Variants in PTPRT observed in about 807,000 individuals in gnomAD.
The protein encoded by PTPRT is protein tyrosine phosphatase receptor type T, also known as receptor-type tyrosine-protein phosphatase T.
A neutral mutation model predicts 176.8 loss-of-function variants in PTPRT; 56 were observed. The ratio of observed to expected loss-of-function variants is 0.32; its 90% CI spans 0.26 to 0.40. PTPRT has a LOEUF of 0.40. Ranked by LOEUF, PTPRT falls within the 10% of genes least tolerant of loss-of-function variation. The pLI, the probability that PTPRT is intolerant of heterozygous loss-of-function variation, is 1.00. For synonymous variants in PTPRT, 783 were observed against 739.0 expected (o/e 1.06, Z -0.96); for missense variants, 1,540 against 1,908.2 (o/e 0.81, Z 3.60).
intron 1 of PTPRT, among the ~76,000 whole-genome samples, chr20:43,032,252 T>G (rs1404772659): frequency 2.0e-5 from 3 of 152,060 alleles, no homozygotes; most frequent in Non-Finnish European, 2.9e-5. Flanking sequence ...GTTCCTCAGG[T>G]GCACTGTCTA....
intron 7 of PTPRT, among the ~76,000 whole-genome samples, chr20:42,649,602 T>C (rs965085179): frequency 4.6e-5 from 7 of 152,292 alleles, no homozygotes; most frequent in African/African-American, 1.7e-4. Context: ...TATCCATAGA[T>C]TCCTCACAGA....
intron 1 of PTPRT, among the ~76,000 whole-genome samples, chr20:42,897,077 C>T (rs1010027845): frequency 2.2e-4 from 34 of 152,188 alleles, no homozygotes; most frequent in African/African-American, 7.5e-4. Flanking sequence ...TGGCAGGGCA[C>T]GTTCCAATTA....
rs116956434 is a variant in PTPRT, at chr20:42,949,392, C to T, written c.89-63460G>A. Among the ~76,000 whole-genome samples the T allele has an allele frequency of 1.1e-3, 173 of 152,342 alleles. No individual in the cohort carries two copies. The East Asian group carries it at 0.03, about 27-fold the overall frequency. On this transcript the variant is annotated intron_variant, in intron 1 of 30. Transcript: ENST00000373187. ...GATGGAAGGAAGCCCAAGCTAGCCA[C>T]AGGAAAAAGCCATGTAGAGACAGAG...
chr20:42,084,777 G>A lies in PTPRT; in HGVS notation c.4041C>T (p.Pro1347=), dbSNP rs766193356. ...YIGWPAYRDT[P]PSKRSLLKVV... is the part of the protein sequence containing the mutation. The stretch of plus-strand genomic sequence containing the variant: ...CTTTGAGCAGAGAGCGCTTGGAGGG[G>A]GGCGTGTCCCGGTAGGCAGGCCAGC... Residue 1347 remains proline (P), a synonymous_variant, in exon 29 of 31, where the codon CCC becomes CCT. Transcript: ENST00000373187. The A allele has an allele frequency of 6.4e-7, 1 of 1,558,600 alleles. No individual in the cohort carries two copies. Among genetic ancestry groups the A allele is most frequent in the Non-Finnish European group, 8.7e-7 (1 of 1,148,118 alleles).
At chr20:42,043,571 A>G in the PTPRT span, among the ~76,000 whole-genome samples, 1 of 152,160 alleles carries the variant, frequency 6.6e-6, no homozygotes, top group Non-Finnish European at 1.5e-5. Context: ...TACAGCTACA[A>G]GGTAGTGGAG....
intron 7 of PTPRT, among the ~76,000 whole-genome samples, chr20:42,620,694 A>T (rs2074177005): frequency 1.3e-5 from 2 of 152,082 alleles, no homozygotes; most frequent in Non-Finnish European, 2.9e-5. Context: ...GGTGGGAGTG[A>T]CCCAATTTTC....
intron 11 of PTPRT, among the ~76,000 whole-genome samples, chr20:42,325,615 C>G (rs1056903461): frequency 6.6e-6 from 1 of 152,108 alleles, no homozygotes; most frequent in Non-Finnish European, 1.5e-5. Flanking sequence ...CTTCCATCAT[C>G]TCTTAACTGG....
rs539229610 is a variant in PTPRT at position 42,218,219 on chromosome 20, C to T, written c.2342+18010G>A. ...GCCATTAAAAATGAAAACCATGTAA[C>T]GACATGGAAAAATGCTAACTGGATT... On this transcript the variant is annotated intron_variant, in intron 15 of 30. Coordinates refer to ENST00000373187, the MANE Select transcript of PTPRT (RefSeq NM_007050.6). Among the ~76,000 whole-genome samples, 23 of 152,054 alleles carry T rather than the reference C, an allele frequency of 1.5e-4. No individual in the cohort carries two copies. In the East Asian group the frequency reaches 1.7e-3, roughly 11 times the overall value.
intron 12 of PTPRT, among the ~76,000 whole-genome samples, chr20:42,300,780 T>TTTA (rs200418179): frequency 7.7e-5 from 11 of 143,272 alleles, no homozygotes; most frequent in Non-Finnish European, 1.2e-4. Context: ...ATTATTATTA[T>TTTA]TTATTATTAT....
intron 1 of PTPRT, among the ~76,000 whole-genome samples, chr20:43,166,680 T>C (rs1386423415): frequency 2.0e-5 from 3 of 152,116 alleles, no homozygotes; most frequent in Non-Finnish European, 2.9e-5. Context: ...ATTTTTATAA[T>C]GTAAGAAAAA....
chr20:42,217,402 CACACACACACACACACACACACAG>C (rs2055800763), intron 15 of PTPRT, among the ~76,000 whole-genome samples: 1 of 132,186 alleles, frequency 7.6e-6, no homozygotes, highest in Non-Finnish European at 1.6e-5. Context: ...CACACACACA[CACACACACACACACACACACACAG>C]AACATTACGT....
chr20:42,953,534 T>C (rs976811058), intron 1 of PTPRT, among the ~76,000 whole-genome samples: 56 of 152,308 alleles, frequency 3.7e-4, no homozygotes, highest in African/African-American at 1.3e-3. Context: ...TCAGATGACC[T>C]CTGTTCCTGG....
intron 13 of PTPRT, among the ~76,000 whole-genome samples, chr20:42,252,499 C>A (rs1178745288): frequency 2.0e-5 from 3 of 152,106 alleles, no homozygotes; most frequent in African/African-American, 7.2e-5. Flanking sequence ...GAATGGGGAA[C>A]AGGAGTGACC....
intron 6 of PTPRT, among the ~76,000 whole-genome samples, chr20:42,751,437 G>A (rs949602906): frequency 6.6e-6 from 1 of 152,194 alleles, no homozygotes; most frequent in Non-Finnish European, 1.5e-5. Context: ...CTGACCTACA[G>A]GGACTTGTGA....
chr20:43,122,021 AGC>A (rs541380833), intron 1 of PTPRT, among the ~76,000 whole-genome samples: 19 of 152,298 alleles, frequency 1.2e-4, no homozygotes, highest in African/African-American at 4.6e-4. Context: ...TTGATCACCT[AGC>A]TATTCCTCAG....
chr20:43,100,192 C>G (rs367720233), intron 1 of PTPRT, among the ~76,000 whole-genome samples: 1 of 152,050 alleles, frequency 6.6e-6, no homozygotes, highest in Non-Finnish European at 1.5e-5. Flanking sequence ...CCTGGCCAAC[C>G]AGGGTAAAAC....
intron 7 of PTPRT, among the ~76,000 whole-genome samples, chr20:42,558,924 T>A (rs371807288): frequency 6.6e-6 from 1 of 151,756 alleles, no homozygotes; most frequent in African/African-American, 2.4e-5. Flanking sequence ...TGTGAAGGAG[T>A]TGGACACACT....
intron 11 of PTPRT, among the ~76,000 whole-genome samples, chr20:42,341,398 T>G (rs2058109092): frequency 6.6e-6 from 1 of 152,186 alleles, no homozygotes; most frequent in Non-Finnish European, 1.5e-5. Flanking sequence ...AAGAGCTTCT[T>G]GAAGCTCCTG....
intron 5 of PTPRT, among the ~76,000 whole-genome samples, chr20:42,763,208 T>C (rs1200953623): frequency 6.6e-6 from 1 of 152,214 alleles, no homozygotes; most frequent in Admixed American, 6.5e-5. Flanking sequence ...CCACTCTCCT[T>C]TAGTGTCATG....
Sources: gnomAD v4.1 joint callset for allele counts (sites outside exome capture counted in the v4.1 genomes callset) on GRCh38, gnomAD v4.1.1 for gene constraint, MANE v1.5 for transcripts, NCBI Gene and HGNC (gene_info 2026-07-23, HGNC 2026-07-21) for gene names.